CDH13: variants seen among roughly 807,000 people sequenced by gnomAD.
CDH13 encodes the protein cadherin-13.
CDH13 carries 24 observed loss-of-function variants against 63.8 expected under a neutral mutation model. The observed-to-expected ratio is 0.38, with a 90% confidence interval of 0.27 to 0.53. The LOEUF is 0.53. CDH13 is among the 20% of genes least tolerant of loss of function. CDH13 has a pLI of 0.85. For missense variants in CDH13, 1,049 were observed against 903.1 expected, an observed-to-expected ratio of 1.16 and a Z score of -2.07; for synonymous variants, 503 against 355.3, an observed-to-expected ratio of 1.42 and a Z score of -4.67.
intron 4 of CDH13, among the ~76,000 whole-genome samples, chr16:83,197,839 C>A (rs2038919877): frequency 6.6e-6 from 1 of 151,608 alleles, no homozygotes; most frequent in African/African-American, 2.4e-5. Context: ...CACACACACA[C>A]ACAAAGTATA....
At chr16:82,930,298 C>A (rs913445047) in intron 2 of CDH13, among the ~76,000 whole-genome samples, 2 of 152,058 alleles carry the variant, frequency 1.3e-5, no homozygotes, top group African/African-American at 4.8e-5. Context: ...TAAATGGAAT[C>A]ATAGAGAGTG....
intron 10 of CDH13, among the ~76,000 whole-genome samples, chr16:83,697,876 GC>G (rs1440008666): frequency 6.6e-6 from 1 of 152,200 alleles, no homozygotes; most frequent in Non-Finnish European, 1.5e-5. Flanking sequence ...CAAACTCCTG[GC>G]CTCAAGTGGT....
At chr16:83,198,879 T>G (rs867189051) in intron 4 of CDH13, among the ~76,000 whole-genome samples, 1 of 151,956 alleles carries the variant, frequency 6.6e-6, no homozygotes, top group African/African-American at 2.4e-5. Context: ...AATAATGGGG[T>G]TTTTTTTAAA....
chr16:82,771,431 T>G (rs1389734409), intron 1 of CDH13, among the ~76,000 whole-genome samples: 1 of 152,154 alleles, frequency 6.6e-6, no homozygotes, highest in East Asian at 1.9e-4. Context: ...AGGGTCTAGG[T>G]AGAGGCTGCT....
At chr16:82,873,648 C>T (rs944364110) in intron 2 of CDH13, among the ~76,000 whole-genome samples, 1 of 152,192 alleles carries the variant, frequency 6.6e-6, no homozygotes, top group Non-Finnish European at 1.5e-5. Flanking sequence ...CAAGATAGCA[C>T]ATACAAAGGA....
intron 8 of CDH13, among the ~76,000 whole-genome samples, chr16:83,659,144 A>G (rs1344520377): frequency 7.4e-6 from 1 of 135,584 alleles, no homozygotes; most frequent in Non-Finnish European, 1.6e-5. Flanking sequence ...CCTCACCAGC[A>G]AGGTCCCATG....
intron 5 of CDH13, among the ~76,000 whole-genome samples, chr16:83,222,765 G>T (rs1026331425): frequency 2.0e-5 from 3 of 152,040 alleles, no homozygotes; most frequent in African/African-American, 7.2e-5. Flanking sequence ...AAGAGTACAG[G>T]TAGCCATTAG....
At chr16:82,867,632 A>C (rs1567614742) in intron 2 of CDH13, among the ~76,000 whole-genome samples, 2 of 152,204 alleles carry the variant, frequency 1.3e-5, no homozygotes, top group African/African-American at 4.8e-5. Flanking sequence ...AACATACATG[A>C]GTCATGGCTT....
chr16:83,123,509 C>T (rs907190469), intron 3 of CDH13, among the ~76,000 whole-genome samples: 3 of 152,064 alleles, frequency 2.0e-5, no homozygotes, highest in Non-Finnish European at 2.9e-5. Flanking sequence ...AAACTCCCAA[C>T]CTCAGGTTAT....
chr16:83,378,991 CTA>C lies in CDH13; in HGVS notation c.781+34000_781+34001del, dbSNP rs746691777. ...TTAGAAATTGTATATACACATGCAT[CTA>C]TATATATATATATACACACACACAC... On this transcript the variant is annotated intron_variant, in intron 6 of 13. Transcript: ENST00000567109. Among the ~76,000 whole-genome samples, 413 of 146,266 alleles carry C rather than the reference CTA, an allele frequency of 2.8e-3. 5 individuals carry two copies. The highest frequency in any genetic ancestry group is 3.6e-3 in the Middle Eastern group (1 of 274).
At chr16:82,998,819 A>G (rs973783908) in intron 2 of CDH13, among the ~76,000 whole-genome samples, 2 of 151,138 alleles carry the variant, frequency 1.3e-5, no homozygotes, top group Non-Finnish European at 2.9e-5. Flanking sequence ...TGTACGCCTT[A>G]AGCCTGACTT....
chr16:83,655,461 A>G (rs1344286101), intron 8 of CDH13, among the ~76,000 whole-genome samples: 5 of 152,192 alleles, frequency 3.3e-5, no homozygotes, highest in African/African-American at 1.2e-4. Flanking sequence ...CCCGAATGGC[A>G]AGATGGTGCC....
chr16:83,036,116 G>A (rs1216770349), intron 3 of CDH13, among the ~76,000 whole-genome samples: 1 of 150,650 alleles, frequency 6.6e-6, no homozygotes, highest in Non-Finnish European at 1.5e-5. Flanking sequence ...GACCTTAGCA[G>A]CATGGCTCTG....
intron 1 of CDH13, among the ~76,000 whole-genome samples, chr16:82,678,363 G>A (rs1047683531): frequency 6.9e-6 from 1 of 144,328 alleles, no homozygotes; most frequent in Non-Finnish European, 1.5e-5. Context: ...TTTACTACAT[G>A]ATTTCCCTAG....
intron 8 of CDH13, among the ~76,000 whole-genome samples, chr16:83,651,740 C>T (rs1444104552): frequency 1.3e-5 from 2 of 151,006 alleles, no homozygotes; most frequent in East Asian, 1.9e-4. Context: ...GGATTACAGG[C>T]GCCCACTACC....
intron 2 of CDH13, among the ~76,000 whole-genome samples, chr16:82,896,187 T>A (rs1438173163): frequency 1.3e-5 from 2 of 152,028 alleles, no homozygotes; most frequent in Non-Finnish European, 2.9e-5. Flanking sequence ...ATTTTCCTTG[T>A]TAACGGGTGT....
chr16:83,621,113 G>A (rs55897515), intron 8 of CDH13, among the ~76,000 whole-genome samples: 3,310 of 152,198 alleles, frequency 0.022, 56 homozygotes, highest in Non-Finnish European at 0.034. Flanking sequence ...TGAAGGCTCC[G>A]ACAGCTGAAG....
chr16:82,653,733 G>T (rs974394629), intron 1 of CDH13, among the ~76,000 whole-genome samples: 8 of 152,106 alleles, frequency 5.3e-5, no homozygotes, highest in African/African-American at 1.9e-4. Context: ...AGGAACTAGG[G>T]GGGATTTTTC....
intron 1 of CDH13, among the ~76,000 whole-genome samples, chr16:82,684,803 C>G (rs1914897224): frequency 6.6e-6 from 1 of 152,216 alleles, no homozygotes; most frequent in African/African-American, 2.4e-5. Flanking sequence ...CCTGAGCCCA[C>G]TCAGAGCCCA....
Sources: allele counts gnomAD v4.1 joint callset (sites outside exome capture counted in the v4.1 genomes callset), GRCh38; gene constraint gnomAD v4.1.1; transcripts MANE v1.5; gene names NCBI Gene and HGNC (gene_info 2026-07-23, HGNC 2026-07-21).